MEF2C: variants seen among roughly 807,000 people sequenced by gnomAD.
MEF2C encodes myocyte-specific enhancer factor 2C.
In MEF2C, 6 loss-of-function variants were observed where a neutral mutation model predicts 50.5. The observed-to-expected ratio is 0.12, with a 90% CI of 0.07 to 0.23. The LOEUF (loss-of-function observed/expected upper bound fraction) is 0.23, where lower values mean the gene tolerates loss of function less well. Among genes scored for constraint, MEF2C ranks in the 10% least tolerant of loss-of-function variants. MEF2C has a pLI of 1.00. For synonymous variants in MEF2C, 183 were observed against 228.0 expected, an observed-to-expected ratio of 0.80 and a Z score of 1.78; for missense variants, 276 against 605.0, an observed-to-expected ratio of 0.46 and a Z score of 5.70.
chr5:88,842,736 T>C (rs1817834820), intron 1 of MEF2C, among the ~76,000 whole-genome samples: 1 of 152,208 alleles, frequency 6.6e-6, no homozygotes, highest in Non-Finnish European at 1.5e-5. Flanking sequence ...CTCTTATGTG[T>C]AGCTAGATGT....
chr5:88,843,976 A>C (rs540909944), intron 1 of MEF2C, among the ~76,000 whole-genome samples: 2 of 151,716 alleles, frequency 1.3e-5, no homozygotes, highest in South Asian at 4.2e-4. Context: ...CGCCTGGATA[A>C]TTTTTTTGTA....
intron 3 of MEF2C, among the ~76,000 whole-genome samples, chr5:88,803,227 G>C (rs1250824452): frequency 1.3e-5 from 2 of 152,154 alleles, no homozygotes; most frequent in Non-Finnish European, 2.9e-5. Context: ...ATAATGCATA[G>C]TATTTTAAGC....
At chr5:88,734,593 T>TTTC (rs1763303631) in intron 6 of MEF2C, 1 of 850,488 alleles carries the variant, frequency 1.2e-6, no homozygotes, top group Non-Finnish European at 1.4e-6. Flanking sequence ...TTTTTTTTTT[T>TTTC]TTTTTAGCAT....
intron 1 of MEF2C, among the ~76,000 whole-genome samples, chr5:88,845,213 G>C (rs304157): frequency 6.6e-6 from 1 of 151,972 alleles, no homozygotes; most frequent in Non-Finnish European, 1.5e-5. Context: ...ATATCCTCCC[G>C]TGTCAATGGT....
intron 2 of MEF2C, among the ~76,000 whole-genome samples, chr5:88,806,147 T>C (rs1252277599): frequency 6.6e-6 from 1 of 152,058 alleles, no homozygotes; most frequent in African/African-American, 2.4e-5. Context: ...CAGAACTAGG[T>C]TTTTGAGGCA....
chr5:88,777,419 A>G (rs1056932644), intron 3 of MEF2C, among the ~76,000 whole-genome samples: 1 of 152,184 alleles, frequency 6.6e-6, no homozygotes, highest in Non-Finnish European at 1.5e-5. Flanking sequence ...GATGAAAAAA[A>G]GAGGCACACA....
intron 1 of MEF2C, chr5:88,825,733 G>T: frequency 1.8e-6 from 1 of 567,690 alleles, no homozygotes; most frequent in Non-Finnish European, 2.2e-6. Context: ...GAAGCAAGCA[G>T]TGTGTTAGAA....
chr5:88,853,219 C>A (rs1035005103), intron 1 of MEF2C, among the ~76,000 whole-genome samples: 2 of 152,030 alleles, frequency 1.3e-5, no homozygotes, highest in African/African-American at 4.8e-5. Flanking sequence ...GAGACTCCAT[C>A]TGTTTTGGAT....
Position 88,753,983 on chromosome 5 carries a change from C to A in MEF2C, c.403-1940G>T, listed in dbSNP as rs369220567. Among the ~76,000 whole-genome samples, 32 of 152,220 alleles carry A rather than the reference C, an allele frequency of 2.1e-4. No individual in the cohort carries two copies. The South Asian group carries it at 4.8e-3, about 23-fold the overall frequency. Reference sequence around the variant, plus strand: ...CCAAATAAGGATTGCTCTAGCATACCCAAGAAAACAAAGTAAAGTGATTCT... The same window carrying A: ...CCAAATAAGGATTGCTCTAGCATACACAAGAAAACAAAGTAAAGTGATTCT... On this transcript the variant is annotated intron_variant, in intron 4 of 10. Transcript: ENST00000504921.
In MEF2C at chr5:88,721,637, T is replaced by A. The variant is rs1756381866; in HGVS notation, c.*967A>T. ...AGCATGTTAATTTCACAGATTTTTT[T>A]AAAAGATTCTTAATATTTTATATAA... On this transcript the variant is annotated 3_prime_UTR_variant, in exon 11 of 11. Transcript: ENST00000504921. 6.6e-6 allele frequency: 1 copy of A among 152,554 alleles called. No homozygotes were observed. The highest frequency in any genetic ancestry group is 1.5e-5 in the Non-Finnish European group (1 of 68,028). The allele number at this position is 152,554 out of a possible 1,614,324, so 9.5% of individuals were successfully genotyped here. A position where few individuals can be genotyped will look rare whatever the true frequency, so the allele number is the denominator to read the frequency against.
chr5:88,760,879 T>G (rs1777542815), intron 4 of MEF2C: 1 of 1,230,240 alleles, frequency 8.1e-7, no homozygotes, highest in Non-Finnish European at 1.1e-6. Context: ...AGATGGCTAT[T>G]TATCTGTTTG....
chr5:88,798,859 T>C lies in MEF2C; in HGVS notation c.258+5739A>G, dbSNP rs700595. Among the ~76,000 whole-genome samples the C allele has an allele frequency of 2.1e-3, 325 of 152,308 alleles. 2 individuals carry two copies. The highest frequency in any genetic ancestry group is 7.5e-3 in the African/African-American group (312 of 41,580). ...ATCCTTTTTGTTGATGTTGATGCTA[T>C]TCCTTTCTGTTTGTTAGTTTTCCTT... On this transcript the variant is annotated intron_variant, in intron 3 of 10. Coordinates refer to ENST00000504921, the MANE Select transcript of MEF2C (RefSeq NM_002397.5).
intron 1 of MEF2C, among the ~76,000 whole-genome samples, chr5:88,857,017 G>C (rs1823665056): frequency 6.6e-6 from 1 of 152,208 alleles, no homozygotes; most frequent in Admixed American, 6.5e-5. Flanking sequence ...AAAAGCCACA[G>C]ACACTCAATG....
intron 6 of MEF2C, chr5:88,740,699 A>G: frequency 1.0e-6 from 1 of 984,996 alleles, no homozygotes; most frequent in Non-Finnish European, 1.2e-6. Context: ...AAACCCAAAT[A>G]TCATTCTCCT....
intron 6 of MEF2C, chr5:88,740,771 C>A: frequency 1.0e-6 from 1 of 985,034 alleles, no homozygotes; most frequent in South Asian, 4.7e-5. Flanking sequence ...TATTGAACCA[C>A]ACTATCTTTA....
intron 3 of MEF2C, among the ~76,000 whole-genome samples, chr5:88,793,617 T>C (rs765738230): frequency 7.2e-5 from 11 of 152,276 alleles, no homozygotes; most frequent in Non-Finnish European, 1.5e-4. Context: ...GTATAATATG[T>C]ATCTATATAG....
chr5:88,882,288 G>C (rs891104757), intron 1 of MEF2C, among the ~76,000 whole-genome samples: 1 of 152,168 alleles, frequency 6.6e-6, no homozygotes, highest in African/African-American at 2.4e-5. Context: ...CTATGTATTT[G>C]ACTTGACCTG....
At chr5:88,852,893 G>T (rs2362111) in intron 1 of MEF2C, among the ~76,000 whole-genome samples, 63 of 151,352 alleles carry the variant, frequency 4.2e-4, no homozygotes, top group Non-Finnish European at 8.1e-4. Flanking sequence ...CCAGCCTGGG[G>T]GACAGGGCAA....
At chr5:88,780,255 A>G (rs993888211) in intron 3 of MEF2C, among the ~76,000 whole-genome samples, 1 of 152,116 alleles carries the variant, frequency 6.6e-6, no homozygotes, top group Non-Finnish European at 1.5e-5. Flanking sequence ...ACACTGAAAT[A>G]TTTTCCTATT....
Sources: allele counts gnomAD v4.1 joint callset (sites outside exome capture counted in the v4.1 genomes callset), GRCh38; gene constraint gnomAD v4.1.1; transcripts MANE v1.5; gene names NCBI Gene and HGNC (gene_info 2026-07-23, HGNC 2026-07-21).